The following LYPD6 variants were observed in gnomAD, a reference collection of about 807,000 sequenced individuals.
The protein encoded by LYPD6 is ly6/PLAUR domain-containing protein 6.
Under a neutral mutation model 22.7 loss-of-function variants are expected in LYPD6, and 15 were observed. The ratio of observed to expected loss-of-function variants is 0.66; its 90% CI spans 0.44 to 1.02. The LOEUF (loss-of-function observed/expected upper bound fraction) is 1.02, where lower values mean the gene tolerates loss of function less well. Ranked by LOEUF, LYPD6 falls within the 50% of genes least tolerant of loss-of-function variation. The pLI is 0.00. For missense variants in LYPD6, 189 were observed against 208.4 expected (o/e 0.91, Z 0.57); for synonymous variants, 72 against 77.5 (o/e 0.93, Z 0.37).
At chr2:149,414,193 T>C (rs1682913729) in intron 1 of LYPD6, among the ~76,000 whole-genome samples, 1 of 152,248 alleles carries the variant, frequency 6.6e-6, no homozygotes, top group South Asian at 2.1e-4. Flanking sequence ...TTTATGCCAC[T>C]ATTCAGAAAA....
intron 1 of LYPD6, among the ~76,000 whole-genome samples, chr2:149,344,318 T>C (rs770123778): frequency 1.3e-5 from 2 of 152,180 alleles, no homozygotes; most frequent in Non-Finnish European, 2.9e-5. Context: ...AGCTATGCAC[T>C]TTTCCCTTTT....
chr2:149,359,347 G>A (rs1328683491), intron 1 of LYPD6, among the ~76,000 whole-genome samples: 1 of 152,190 alleles, frequency 6.6e-6, no homozygotes, highest in East Asian at 1.9e-4. Flanking sequence ...CACAATGATT[G>A]CTAGTGTCTT....
intron 2 of LYPD6, among the ~76,000 whole-genome samples, chr2:149,444,304 G>A (rs1048957939): frequency 1.3e-5 from 2 of 152,180 alleles, no homozygotes; most frequent in African/African-American, 4.8e-5. Context: ...CCTTTAGTGA[G>A]TTACAATCTT....
chr2:149,451,062 C>A (rs1281255615), intron 3 of LYPD6, among the ~76,000 whole-genome samples: 1 of 152,154 alleles, frequency 6.6e-6, no homozygotes, highest in Non-Finnish European at 1.5e-5. Flanking sequence ...TCATAAAATA[C>A]CTCACACTGG....
In LYPD6 at chr2:149,354,860, C is replaced by T. The variant is rs116054739; in HGVS notation, c.-72+24138C>T. On this transcript the variant is annotated intron_variant, in intron 1 of 4. Transcript: ENST00000334166. ...TGGCTTACGTAATGGTAGGGCTAGC[C>T]AAAAATTGTGCCTCCTGTACTCACT... 2.7e-3 allele frequency among the ~76,000 whole-genome samples: 413 copies of T among 152,200 alleles called. 4 individuals carry two copies. The highest frequency in any genetic ancestry group is 9.1e-3 in the African/African-American group (378 of 41,506).
intron 3 of LYPD6, among the ~76,000 whole-genome samples, chr2:149,467,974 A>G (rs1046175947): frequency 1.1e-4 from 16 of 152,262 alleles, no homozygotes; most frequent in Middle Eastern, 3.4e-3. Flanking sequence ...TGTCCTAGGA[A>G]GACACTGAAA....
rs73966482 is a variant in LYPD6, at chr2:149,363,398, C to T, written c.-72+32676C>T. ...ATGCACAAAGTGTTTTAATAATTTT[C>T]CCCCAATCACACTACCCAATATGTG... is the stretch of plus-strand genomic sequence containing the variant. On this transcript the variant is annotated intron_variant, in intron 1 of 4. Coordinates refer to ENST00000334166, the MANE Select transcript of LYPD6 (RefSeq NM_194317.5). Among the ~76,000 whole-genome samples the T allele has an allele frequency of 2.4e-3, 366 of 152,266 alleles. 3 individuals carry two copies. Among genetic ancestry groups the T allele is most frequent in the African/African-American group, 8.2e-3 (342 of 41,542 alleles).
chr2:149,369,998 C>T (rs183092919), intron 1 of LYPD6, among the ~76,000 whole-genome samples: 18 of 151,876 alleles, frequency 1.2e-4, no homozygotes, highest in African/African-American at 4.1e-4. Context: ...TAGCAGCAGA[C>T]GGGAACGGGC....
rs546453357 is a variant in LYPD6 at position 149,437,766 on chromosome 2, C to T, written c.58C>T (p.Leu20=). The T allele has an allele frequency of 2.5e-6, 4 of 1,614,192 alleles. No homozygotes were observed. The highest frequency in any genetic ancestry group is 1.3e-5 in the African/African-American group (1 of 75,056). The change falls in exon 2 of 5, where the codon CTG becomes TTG. Residue 20 remains leucine (L), a synonymous_variant. Transcript: ENST00000334166. ...GCTCCTGAGCCTGCTGGCGGATTGT[C>T]TGAAAGCTGCTCAGTCCCGAGACTT... ...LLLLSLLADC[L]KAAQSRDFTV...
At chr2:149,418,048 T>G (rs1683002346) in intron 1 of LYPD6, among the ~76,000 whole-genome samples, 1 of 152,242 alleles carries the variant, frequency 6.6e-6, no homozygotes, top group Non-Finnish European at 1.5e-5. Context: ...TTCACTCGTC[T>G]TGTGGTAAGC....
intron 3 of LYPD6, among the ~76,000 whole-genome samples, chr2:149,458,776 A>C (rs886488569): frequency 2.0e-4 from 31 of 152,246 alleles, no homozygotes; most frequent in African/African-American, 7.5e-4. Context: ...ATTGTAACAT[A>C]ATGTACCTGA....
At chr2:149,370,218 C>T (rs1681776566) in intron 1 of LYPD6, among the ~76,000 whole-genome samples, 1 of 152,168 alleles carries the variant, frequency 6.6e-6, no homozygotes, top group African/African-American at 2.4e-5. Context: ...TCTGGTATTA[C>T]ATATGCCAGG....
intron 3 of LYPD6, among the ~76,000 whole-genome samples, chr2:149,450,986 G>A (rs1364937222): frequency 1.3e-5 from 2 of 152,218 alleles, no homozygotes; most frequent in African/African-American, 4.8e-5. Context: ...ATTTGCTTTT[G>A]AAGCTGTTGC....
At chr2:149,386,171 G>A (rs1682180089) in intron 1 of LYPD6, among the ~76,000 whole-genome samples, 1 of 152,176 alleles carries the variant, frequency 6.6e-6, no homozygotes, top group Admixed American at 6.5e-5. Context: ...CCTGAACTCA[G>A]CTATAATTAT....
intron 1 of LYPD6, among the ~76,000 whole-genome samples, chr2:149,366,241 G>T (rs1054771379): frequency 1.3e-5 from 2 of 152,020 alleles, no homozygotes; most frequent in African/African-American, 4.8e-5. Flanking sequence ...TCATAGCTCT[G>T]GGCTGAACTT....
At chr2:149,478,399 T>TGTGTGTGCGTGC (rs1491190671), downstream of LYPD6, among the ~76,000 whole-genome samples, 1 of 149,980 alleles carries the variant, frequency 6.7e-6, no homozygotes, top group Admixed American at 6.6e-5. Context: ...TGTGTGTGTG[T>TGTGTGTGCGTGC]GCGCGCACGC....
At chr2:149,386,923 G>GCA (rs1682200559) in intron 1 of LYPD6, among the ~76,000 whole-genome samples, 1 of 152,142 alleles carries the variant, frequency 6.6e-6, no homozygotes, top group Non-Finnish European at 1.5e-5. Flanking sequence ...TGCATGTAGT[G>GCA]CACAATCATG....
At chr2:149,423,421 C>A (rs947792694) in intron 1 of LYPD6, among the ~76,000 whole-genome samples, 1 of 152,098 alleles carries the variant, frequency 6.6e-6, no homozygotes, top group African/African-American at 2.4e-5. Context: ...AGGTGGGATG[C>A]AGATTTGGGG....
chr2:149,358,653 C>G (rs1454949495), intron 1 of LYPD6, among the ~76,000 whole-genome samples: 1 of 151,638 alleles, frequency 6.6e-6, no homozygotes, highest in Non-Finnish European at 1.5e-5. Flanking sequence ...GATGAATATG[C>G]AAATATATAT....
Sources: gnomAD v4.1 joint callset for allele counts (sites outside exome capture counted in the v4.1 genomes callset) on GRCh38, gnomAD v4.1.1 for gene constraint, MANE v1.5 for transcripts, NCBI Gene and HGNC (gene_info 2026-07-23, HGNC 2026-07-21) for gene names.